The following JAKMIP1 variants were observed in gnomAD, a reference collection of about 807,000 sequenced individuals.
JAKMIP1 encodes the protein janus kinase and microtubule-interacting protein 1.
JAKMIP1 carries 33 observed loss-of-function variants against 113.0 expected under a neutral mutation model. The observed-to-expected ratio is 0.29, with a 90% CI of 0.22 to 0.39. The LOEUF (loss-of-function observed/expected upper bound fraction) is 0.39. JAKMIP1 is among the 10% of genes least tolerant of loss of function. JAKMIP1 has a pLI of 1.00. For synonymous variants in JAKMIP1, 480 were observed against 459.9 expected (o/e 1.04, Z -0.56); for missense variants, 813 against 1,080.5 (o/e 0.75, Z 3.47).
At chr4:6,114,904 G>C (rs1715511792) in intron 1 of JAKMIP1, among the ~76,000 whole-genome samples, 1 of 152,216 alleles carries the variant, frequency 6.6e-6, no homozygotes, top group South Asian at 2.1e-4. Context: ...AAAAAAGGAA[G>C]CTTGCTCCTT....
At chr4:6,027,333 G>A (rs915601049) in intron 20 of JAKMIP1, among the ~76,000 whole-genome samples, 1 of 152,094 alleles carries the variant, frequency 6.6e-6, no homozygotes, top group Non-Finnish European at 1.5e-5. Flanking sequence ...TTCTAAACGA[G>A]GTGTAGGATC....
chr4:6,115,936 T>G (rs1715700093), intron 1 of JAKMIP1, among the ~76,000 whole-genome samples: 1 of 152,044 alleles, frequency 6.6e-6, no homozygotes, highest in African/African-American at 2.4e-5. Context: ...GTCAGAACCT[T>G]AGCTCCCACC....
At chr4:6,118,652 T>G (rs964630872) in intron 1 of JAKMIP1, among the ~76,000 whole-genome samples, 7 of 152,002 alleles carry the variant, frequency 4.6e-5, no homozygotes, top group African/African-American at 1.4e-4. Context: ...CAAAATTTCC[T>G]CTCTTCATTA....
chr4:6,057,527 T>C (rs1262910494), intron 11 of JAKMIP1, among the ~76,000 whole-genome samples: 1 of 152,224 alleles, frequency 6.6e-6, no homozygotes, highest in Non-Finnish European at 1.5e-5. Flanking sequence ...GCCTCCAGGC[T>C]TCTGTCTCCC....
intron 18 of JAKMIP1, 76 bp from the exon 19 acceptor site, chr4:6,036,183 T>A: frequency 1.3e-5 from 15 of 1,197,716 alleles, no homozygotes; most frequent in Non-Finnish European, 1.8e-5. Flanking sequence ...CTGCTGCCAG[T>A]GGAGGCAGAG....
Position 6,137,134 on chromosome 4 carries a change from G to A in JAKMIP1, c.-147-24137C>T, listed in dbSNP as rs985330498. ...CTCAACACCCCCTCCCTATTTTCAT[G>A]GTAAGGTGCTGCATGCTCCCTTGCC... On this transcript the variant is annotated intron_variant, in intron 1 of 20. Transcript: ENST00000409021. This position sits in a 1 kb window ranked among gnomAD's most constrained non-coding sequence, Gnocchi z 4.5. Among the ~76,000 whole-genome samples the A allele has an allele frequency of 6.6e-6, 1 of 152,080 alleles. No individual in the cohort carries two copies. Among genetic ancestry groups the A allele is most frequent in the East Asian group, 1.9e-4 (1 of 5,184 alleles).
rs1199755096 is a variant in JAKMIP1, at chr4:6,181,614, G to T, written c.-148+18639C>A. 2.6e-5 allele frequency among the ~76,000 whole-genome samples: 4 copies of T among 152,210 alleles called. No homozygotes were observed. Among genetic ancestry groups the T allele is most frequent in the Non-Finnish European group, 4.4e-5 (3 of 68,036 alleles). On this transcript the variant is annotated intron_variant, in intron 1 of 20. Transcript: ENST00000409021. The surrounding 1 kb of genome is among the most constrained non-coding windows in gnomAD (Gnocchi z 5.4). ...GGGACATCCAAAGTGGGCTGTGGAA[G>T]GGGTGAAATCAGGATATGCAGATGG...
intron 9 of JAKMIP1, among the ~76,000 whole-genome samples, chr4:6,063,205 G>A (rs1272064781): frequency 2.6e-5 from 4 of 152,164 alleles, no homozygotes; most frequent in Admixed American, 6.5e-5. Context: ...TCCATGCATG[G>A]TTCACAGGTG....
chr4:6,072,460 TG>T lies in JAKMIP1; in HGVS notation c.1302+6478del, dbSNP rs373034084. ...CAGAGCTGCATGAAATGAGTCCTGATGGCTGCTGTGGAGGAGGGACCAGGTG... is the reference window on the plus strand; with the variant it reads ...CAGAGCTGCATGAAATGAGTCCTGATGCTGCTGTGGAGGAGGGACCAGGTG... On this transcript the variant is annotated intron_variant, in intron 8 of 20. Coordinates refer to ENST00000409021, the MANE Select transcript of JAKMIP1 (RefSeq NM_001099433.2). Among the ~76,000 whole-genome samples, 719 of 152,340 alleles carry T rather than the reference TG, an allele frequency of 4.7e-3. 4 individuals are homozygous for T. The highest frequency in any genetic ancestry group is 0.016 in the African/African-American group (665 of 41,570).
intron 1 of JAKMIP1, among the ~76,000 whole-genome samples, chr4:6,152,203 A>C (rs1391789416): frequency 1.3e-5 from 2 of 152,138 alleles, no homozygotes; most frequent in Non-Finnish European, 2.9e-5. Context: ...ACTCGGAATA[A>C]AACTATCTAA....
intron 3 of JAKMIP1, among the ~76,000 whole-genome samples, chr4:6,095,243 C>T (rs1227782426): frequency 4.5e-5 from 5 of 110,032 alleles, no homozygotes; most frequent in Admixed American, 2.7e-4. Flanking sequence ...AGGAAAGGAG[C>T]GAAGGAAAAA....
rs377026382 is a variant in JAKMIP1, at chr4:6,063,517, G to A, written c.1432-1077C>T. Among the ~76,000 whole-genome samples the A allele has an allele frequency of 2.3e-3, 354 of 152,272 alleles. 2 individuals are homozygous for A. Among genetic ancestry groups the A allele is most frequent in the African/African-American group, 8.1e-3 (338 of 41,572 alleles). On this transcript the variant is annotated intron_variant, in intron 9 of 20. Transcript: ENST00000409021. ...ACTGGCCTGGCCCCTCCCTCCAGCC[G>A]GCACTTGGGCTGAGGCTGGTGGGCT...
At chr4:6,100,961 A>G (rs1712915667) in intron 3 of JAKMIP1, among the ~76,000 whole-genome samples, 2 of 152,208 alleles carry the variant, frequency 1.3e-5, no homozygotes. Context: ...CTTTGTGGTT[A>G]TAGGTATTGA....
chr4:6,148,873 CA>C (rs1232662106), intron 1 of JAKMIP1, among the ~76,000 whole-genome samples: 1 of 152,224 alleles, frequency 6.6e-6, no homozygotes, highest in Non-Finnish European at 1.5e-5. Flanking sequence ...CATCCACGCA[CA>C]GGCATGTAGA....
rs1325458943 is a variant in JAKMIP1 at position 6,157,333 on chromosome 4, G to C, written c.-148+42920C>G. On this transcript the variant is annotated intron_variant, in intron 1 of 20. Coordinates refer to ENST00000409021, the MANE Select transcript of JAKMIP1 (RefSeq NM_001099433.2). The surrounding 1 kb of genome is among the most constrained non-coding windows in gnomAD (Gnocchi z 4.7). ...TTACTCCCTCTGCAAAAAGGCGCAC[G>C]GGATGGGAAGCTGGCGCACAACACA... Among the ~76,000 whole-genome samples the C allele has an allele frequency of 6.6e-6, 1 of 152,160 alleles. No individual in the cohort carries two copies. Among genetic ancestry groups the C allele is most frequent in the Non-Finnish European group, 1.5e-5 (1 of 68,034 alleles).
chr4:6,195,483 C>G (rs968844978), intron 1 of JAKMIP1, among the ~76,000 whole-genome samples: 1 of 152,156 alleles, frequency 6.6e-6, no homozygotes, highest in African/African-American at 2.4e-5. Context: ...GCTAGGCCAT[C>G]AAGGAATTGT....
chr4:6,082,345 C>T (rs1720693312), intron 5 of JAKMIP1, among the ~76,000 whole-genome samples: 1 of 151,966 alleles, frequency 6.6e-6, no homozygotes, highest in African/African-American at 2.4e-5. Context: ...CCATGTGACC[C>T]ATGCATTCTA....
Position 6,149,798 on chromosome 4 carries a change from G to A in JAKMIP1, c.-147-36801C>T, listed in dbSNP as rs11940644. 3.3e-3 allele frequency among the ~76,000 whole-genome samples: 495 copies of A among 151,958 alleles called. 2 individuals are homozygous for A. Among genetic ancestry groups the A allele is most frequent in the African/African-American group, 0.011 (468 of 41,420 alleles). ...CGGGCTGGGGAAGATGAGGCCTAAC[G>A]CTTCTCGCCCAGGCTCGAAAGCATC... On this transcript the variant is annotated intron_variant, in intron 1 of 20. Transcript: ENST00000409021.
chr4:6,071,235 C>T (rs1458843678), intron 8 of JAKMIP1, among the ~76,000 whole-genome samples: 1 of 151,938 alleles, frequency 6.6e-6, no homozygotes. Flanking sequence ...GTAGTGCAGA[C>T]CTGAGACAGC....
Sources: allele counts gnomAD v4.1 joint callset (sites outside exome capture counted in the v4.1 genomes callset), GRCh38; gene constraint gnomAD v4.1.1; non-coding constraint Gnocchi (gnomAD v3.1); transcripts MANE v1.5; gene names NCBI Gene and HGNC (gene_info 2026-07-23, HGNC 2026-07-21).